The following ACVR2A variants were observed in gnomAD, a reference collection of about 807,000 sequenced individuals.
ACVR2A encodes the protein activin A receptor type 2A.
A neutral mutation model predicts 61.4 loss-of-function variants in ACVR2A; 7 were observed. That is an observed-to-expected ratio of 0.11 (90% confidence interval 0.06 to 0.21). The LOEUF (loss-of-function observed/expected upper bound fraction) is 0.21, where lower values mean the gene tolerates loss of function less well. ACVR2A is among the 10% of genes least tolerant of loss of function. The pLI is 1.00. For synonymous variants in ACVR2A, 193 were observed against 208.3 expected, an observed-to-expected ratio of 0.93 and a Z score of 0.63; for missense variants, 322 against 621.7, an observed-to-expected ratio of 0.52 and a Z score of 5.13.
Position 147,930,305 on chromosome 2 carries a change from A to C in ACVR2A, c.*3031A>C, listed in dbSNP as rs755773884. On this transcript the variant is annotated 3_prime_UTR_variant, in exon 11 of 11. Coordinates refer to ENST00000241416, the MANE Select transcript of ACVR2A (RefSeq NM_001616.5). ...AAATGCAGGTGGTAGGGGAAAAAAA[A>C]CCATGGCGAGATGGTGGTTTAGTGG... 6.6e-6 allele frequency: 1 copy of C among 151,790 alleles called. No individual in the cohort carries two copies. The highest frequency in any genetic ancestry group is 2.4e-5 in the African/African-American group (1 of 41,288). 9.4% of individuals were successfully genotyped at this position (151,790 alleles called of 1,614,324 possible). A position where few individuals can be genotyped will look rare whatever the true frequency, so the allele number is the denominator to read the frequency against.
At chr2:147,914,832 C>G (rs763519966) in intron 4 of ACVR2A, among the ~76,000 whole-genome samples, 1 of 151,838 alleles carries the variant, frequency 6.6e-6, no homozygotes, top group Non-Finnish European at 1.5e-5. Context: ...TCATCCTCCT[C>G]GAAGTACACA....
At chr2:147,907,426 A>C (rs916918913) in intron 4 of ACVR2A, among the ~76,000 whole-genome samples, 1 of 152,302 alleles carries the variant, frequency 6.6e-6, no homozygotes, top group Admixed American at 6.5e-5. Context: ...ACTGTCTTCT[A>C]CTATGGTTGA....
chr2:147,887,601 A>T (rs1686473350), intron 1 of ACVR2A, among the ~76,000 whole-genome samples: 2 of 152,164 alleles, frequency 1.3e-5, no homozygotes, highest in Admixed American at 1.3e-4. Context: ...TATAAAAATT[A>T]ATTTTTTAAT....
rs1212194142 is a variant in ACVR2A, at chr2:147,929,593, G to T, written c.*2319G>T. 1 of 152,328 alleles carries T rather than the reference G, an allele frequency of 6.6e-6. No homozygotes were observed. Among genetic ancestry groups the T allele is most frequent in the African/African-American group, 2.4e-5 (1 of 41,380 alleles). 9.4% of individuals were successfully genotyped at this position (152,328 alleles called of 1,614,324 possible). On this transcript the variant is annotated 3_prime_UTR_variant, in exon 11 of 11. Transcript: ENST00000241416. The stretch of plus-strand genomic sequence containing the variant: ...TTAATAGAAAAACTTTTTATAAGCA[G>T]TAAAATAAGAATGTTCCAGTGACTA...
At chr2:147,897,277 G>T (rs1686761067) in intron 2 of ACVR2A, among the ~76,000 whole-genome samples, 1 of 152,106 alleles carries the variant, frequency 6.6e-6, no homozygotes, top group South Asian at 2.1e-4. Flanking sequence ...CAAAGTGCTA[G>T]GATTACAGAT....
At chr2:147,899,980 T>C (rs1359223454) in intron 4 of ACVR2A, 82 bp downstream of exon 4, 7 of 1,405,716 alleles carry the variant, frequency 5.0e-6, no homozygotes, top group African/African-American at 2.9e-5. Context: ...CACTAACTTA[T>C]TACAGATTAT....
intron 3 of ACVR2A, 54 bp from the exon 4 acceptor site, chr2:147,899,690 A>C: frequency 1.3e-6 from 2 of 1,599,846 alleles, no homozygotes; most frequent in Non-Finnish European, 1.7e-6. Flanking sequence ...ACAGATATTT[A>C]TTATAGAATT....
At chr2:147,900,032 A>C in intron 4 of ACVR2A, 134 bp downstream of exon 4, 1 of 987,238 alleles carries the variant, frequency 1.0e-6, no homozygotes. Flanking sequence ...TGTCATGAGA[A>C]CTCTAGCTAA....
At chr2:147,922,785 G>A (rs907331345) in intron 8 of ACVR2A, among the ~76,000 whole-genome samples, 188 bp from the exon 9 acceptor site, 1 of 152,078 alleles carries the variant, frequency 6.6e-6, no homozygotes, top group African/African-American at 2.4e-5. Context: ...TTCTAAGTCT[G>A]TACCAGCATA....
chr2:147,890,301 T>C (rs1313275605), intron 1 of ACVR2A, among the ~76,000 whole-genome samples: 1 of 151,890 alleles, frequency 6.6e-6, no homozygotes, highest in Non-Finnish European at 1.5e-5. Flanking sequence ...TGCTATTTTT[T>C]CTTCCGTAGT....
chr2:147,871,470 A>T (rs1686014945), intron 1 of ACVR2A, among the ~76,000 whole-genome samples: 1 of 152,116 alleles, frequency 6.6e-6, no homozygotes, highest in African/African-American at 2.4e-5. Flanking sequence ...CAAATAAGAA[A>T]ATTTGCAGAA....
At chr2:147,860,167 C>G (rs1685694490) in intron 1 of ACVR2A, among the ~76,000 whole-genome samples, 1 of 152,152 alleles carries the variant, frequency 6.6e-6, no homozygotes, top group Non-Finnish European at 1.5e-5. Flanking sequence ...ACTATCCCTG[C>G]TCCTTCATTC....
At chr2:147,909,328 G>A (rs1687062208) in intron 4 of ACVR2A, among the ~76,000 whole-genome samples, 1 of 152,150 alleles carries the variant, frequency 6.6e-6, no homozygotes, top group African/African-American at 2.4e-5. Context: ...AGCTTCATGA[G>A]AGCCTGGCTA....
At chr2:147,912,652 T>A (rs530201176) in intron 4 of ACVR2A, among the ~76,000 whole-genome samples, 1 of 152,004 alleles carries the variant, frequency 6.6e-6, no homozygotes, top group Non-Finnish European at 1.5e-5. Context: ...TATTATAGGA[T>A]GAGTGAAACT....
At chr2:147,899,979 A>G (rs548553143) in intron 4 of ACVR2A, 81 bp downstream of exon 4, 10 of 1,403,858 alleles carry the variant, frequency 7.1e-6, no homozygotes, top group Non-Finnish European at 8.7e-6. Flanking sequence ...CCACTAACTT[A>G]TTACAGATTA....
chr2:147,846,416 G>A (rs1444958111), intron 1 of ACVR2A, among the ~76,000 whole-genome samples: 1 of 151,266 alleles, frequency 6.6e-6, no homozygotes, highest in Non-Finnish European at 1.5e-5. Flanking sequence ...GTTTGTGTCC[G>A]TCTTCCCCAC....
chr2:147,909,029 T>C (rs1378480110), intron 4 of ACVR2A, among the ~76,000 whole-genome samples: 2 of 152,210 alleles, frequency 1.3e-5, no homozygotes, highest in African/African-American at 4.8e-5. Context: ...TCCAAGCACT[T>C]ACCATTCACA....
intron 1 of ACVR2A, among the ~76,000 whole-genome samples, chr2:147,862,701 G>A (rs183243229): frequency 1.3e-5 from 2 of 151,494 alleles, no homozygotes; most frequent in African/African-American, 4.8e-5. Context: ...CCGAGATTGC[G>A]CCACTGCACT....
intron 1 of ACVR2A, among the ~76,000 whole-genome samples, chr2:147,852,751 TAGAC>T (rs1356605546): frequency 6.6e-6 from 1 of 152,044 alleles, no homozygotes; most frequent in African/African-American, 2.4e-5. Flanking sequence ...AAAAAAGTCT[TAGAC>T]GGAGATTAGG....
Sources: gnomAD v4.1 joint callset for allele counts (sites outside exome capture counted in the v4.1 genomes callset) on GRCh38, gnomAD v4.1.1 for gene constraint, MANE v1.5 for transcripts, NCBI Gene and HGNC (gene_info 2026-07-23, HGNC 2026-07-21) for gene names.